The following DACH2 variants were observed in gnomAD, a reference collection of about 807,000 sequenced individuals.
The protein encoded by DACH2 is dachshund family transcription factor 2, also known as dachshund homolog 2.
DACH2 carries 17 observed loss-of-function variants against 35.8 expected under a neutral mutation model. The observed-to-expected ratio is 0.48, with a 90% CI of 0.33 to 0.71. The LOEUF (loss-of-function observed/expected upper bound fraction) is 0.71, where lower values mean the gene tolerates loss of function less well. Ranked by LOEUF, DACH2 falls within the 30% of genes least tolerant of loss-of-function variation. DACH2 has a pLI of 0.02. For synonymous variants in DACH2, 195 were observed against 177.3 expected, an observed-to-expected ratio of 1.10 and a Z score of -0.79; for missense variants, 469 against 472.7, an observed-to-expected ratio of 0.99 and a Z score of 0.07.
intron 3 of DACH2, among the ~76,000 whole-genome samples, chrX:86,550,911 CTT>C (rs1383940499): frequency 9.0e-6 from 1 of 111,526 alleles, no homozygotes; most frequent in Non-Finnish European, 1.9e-5. Context: ...TTTCAACAAG[CTT>C]TTAAAAAGTG....
chrX:86,681,973 A>G (rs1023063948), intron 4 of DACH2, among the ~76,000 whole-genome samples: 1 of 110,484 alleles, frequency 9.1e-6, no homozygotes, highest in Non-Finnish European at 1.9e-5. Context: ...CCTTACCCTC[A>G]TTTTCAAAAG....
At chrX:86,232,133 G>A (rs189715004) in intron 1 of DACH2, among the ~76,000 whole-genome samples, 110 of 111,733 alleles carry the variant, frequency 9.8e-4, no homozygotes, top group Non-Finnish European at 1.2e-3. Context: ...TAGATGACCA[G>A]TAGAGAGCAG....
intron 2 of DACH2, among the ~76,000 whole-genome samples, chrX:86,452,657 A>T (rs888775084): frequency 3.6e-5 from 4 of 111,429 alleles, no homozygotes; most frequent in Admixed American, 9.6e-5. Flanking sequence ...ATTTCTATGG[A>T]GTCAGTGGTG....
intron 3 of DACH2, among the ~76,000 whole-genome samples, chrX:86,519,871 TTTGTTG>T (rs200976159): frequency 9.3e-6 from 1 of 107,695 alleles, no homozygotes. Flanking sequence ...CTTTTGAATT[TTTGTTG>T]TTGTTGTTGT....
At chrX:86,484,921 G>A (rs967818310) in intron 2 of DACH2, among the ~76,000 whole-genome samples, 4 of 111,552 alleles carry the variant, frequency 3.6e-5, no homozygotes, top group Non-Finnish European at 3.8e-5. Context: ...ATTGTTGGGA[G>A]GTTAATACAG....
At chrX:86,518,817 G>C (rs995732220) in intron 3 of DACH2, among the ~76,000 whole-genome samples, 5 of 111,965 alleles carry the variant, frequency 4.5e-5, no homozygotes, top group Non-Finnish European at 9.4e-5. Context: ...GAGTTTTCTA[G>C]ATACAAAATC....
chrX:86,524,764 G>T (rs899851116), intron 3 of DACH2, among the ~76,000 whole-genome samples: 10 of 111,038 alleles, frequency 9.0e-5, no homozygotes, highest in African/African-American at 2.9e-4. Flanking sequence ...TGCATGGCTG[G>T]GTCATAAGGC....
intron 4 of DACH2, among the ~76,000 whole-genome samples, chrX:86,682,161 TA>T (rs1186947420): frequency 8.9e-6 from 1 of 112,045 alleles, no homozygotes; most frequent in East Asian, 2.8e-4. Context: ...GATCTCAGCC[TA>T]GTCTAGTAAG....
chrX:86,721,471 T>G (rs980748669), intron 6 of DACH2, among the ~76,000 whole-genome samples: 17 of 111,866 alleles, frequency 1.5e-4, no homozygotes, highest in African/African-American at 4.9e-4. Context: ...ACAAGTTTTT[T>G]ATCTCCATCT....
chrX:86,254,797 TATATATATATAGAG>T (rs1569318115), intron 1 of DACH2, among the ~76,000 whole-genome samples: 1 of 68,268 alleles, frequency 1.5e-5, no homozygotes, highest in Non-Finnish European at 2.5e-5. Flanking sequence ...TATATATATA[TATATATATATAGAG>T]AGAGAGAGAG....
intron 3 of DACH2, among the ~76,000 whole-genome samples, chrX:86,584,290 C>A (rs1006901609): frequency 9.1e-6 from 1 of 110,290 alleles, no homozygotes; most frequent in African/African-American, 3.3e-5. Flanking sequence ...TCGTTTTATT[C>A]TATTATTATT....
intron 1 of DACH2, among the ~76,000 whole-genome samples, chrX:86,321,065 C>T (rs1429010741): frequency 1.8e-5 from 2 of 111,690 alleles, no homozygotes; most frequent in Non-Finnish European, 3.8e-5. Flanking sequence ...TGGTACTCTA[C>T]TTCCTTCTAA....
chrX:86,787,313 T>C (rs2042146381), intron 7 of DACH2, among the ~76,000 whole-genome samples: 4 of 111,938 alleles, frequency 3.6e-5, no homozygotes. Context: ...GTTTACTCTC[T>C]CAGGGCTAGA....
At chrX:86,305,507 A>T (rs962483902) in intron 1 of DACH2, among the ~76,000 whole-genome samples, 3 of 111,828 alleles carry the variant, frequency 2.7e-5, no homozygotes, top group African/African-American at 6.5e-5. Flanking sequence ...ATGCTTCATG[A>T]TATTGTTCAG....
chrX:86,161,962 A>G (rs1489624006), intron 1 of DACH2, among the ~76,000 whole-genome samples: 2 of 112,333 alleles, frequency 1.8e-5, no homozygotes, highest in Non-Finnish European at 3.8e-5. Flanking sequence ...AAGTAAAGGA[A>G]TAAAGGAATG....
intron 2 of DACH2, among the ~76,000 whole-genome samples, chrX:86,508,033 C>T (rs1164857451): frequency 1.8e-5 from 2 of 111,184 alleles, no homozygotes; most frequent in African/African-American, 6.5e-5. Flanking sequence ...ATATTGCTGA[C>T]AGAACAGGAG....
chrX:86,375,119 AT>A (rs1478295421), intron 1 of DACH2, among the ~76,000 whole-genome samples: 2 of 108,297 alleles, frequency 1.8e-5, no homozygotes, highest in Non-Finnish European at 3.8e-5. Flanking sequence ...TAAATGAGAA[AT>A]TTTCAAATAT....
intron 7 of DACH2, among the ~76,000 whole-genome samples, chrX:86,773,491 A>ATAT (rs772178471): frequency 1.8e-5 from 2 of 112,169 alleles, no homozygotes; most frequent in Non-Finnish European, 3.8e-5. Flanking sequence ...TTGGCTAAGT[A>ATAT]TATTTTATTA....
intron 7 of DACH2, among the ~76,000 whole-genome samples, chrX:86,754,062 C>A (rs1244421742): frequency 1.8e-5 from 2 of 111,329 alleles, no homozygotes; most frequent in African/African-American, 6.5e-5. Context: ...TACACTTTAT[C>A]TGAGCTGCCT....
Sources: allele counts gnomAD v4.1 joint callset (sites outside exome capture counted in the v4.1 genomes callset), GRCh38; gene constraint gnomAD v4.1.1; transcripts MANE v1.5; gene names NCBI Gene and HGNC (gene_info 2026-07-23, HGNC 2026-07-21).